Variants in RFFL observed in about 807,000 individuals in gnomAD.
RFFL encodes the protein ring finger and FYVE like domain containing E3 ubiquitin protein ligase.
Under a neutral mutation model 40.4 loss-of-function variants are expected in RFFL, and 16 were observed. The ratio of observed to expected loss-of-function variants is 0.40; its 90% confidence interval spans 0.27 to 0.60. The LOEUF is 0.60. Ranked by LOEUF, RFFL falls within the 20% of genes least tolerant of loss-of-function variation. The pLI is 0.47. For missense variants in RFFL, 367 were observed against 451.7 expected, an observed-to-expected ratio of 0.81 and a Z score of 1.70; for synonymous variants, 154 against 167.9, an observed-to-expected ratio of 0.92 and a Z score of 0.64.
intron 1 of RFFL, among the ~76,000 whole-genome samples, chr17:35,033,186 T>G (rs1404095959): frequency 1.3e-5 from 2 of 151,754 alleles, no homozygotes; most frequent in Non-Finnish European, 2.9e-5. Context: ...GTAGAGGAAG[T>G]GAAGCTGACA....
At chr17:35,078,165 T>C (rs759645805) in intron 1 of RFFL, among the ~76,000 whole-genome samples, 1 of 152,194 alleles carries the variant, frequency 6.6e-6, no homozygotes, top group Non-Finnish European at 1.5e-5. Flanking sequence ...CTTTATTTTT[T>C]ACAAGCACCT....
chr17:35,035,919 T>C (rs569356123), intron 1 of RFFL, among the ~76,000 whole-genome samples: 22 of 152,086 alleles, frequency 1.4e-4, no homozygotes, highest in African/African-American at 5.1e-4. Context: ...GCCAGACTGG[T>C]CTTGAACTCC....
At chr17:35,080,992 A>G (rs2091400955) in intron 1 of RFFL, among the ~76,000 whole-genome samples, 1 of 152,236 alleles carries the variant, frequency 6.6e-6, no homozygotes, top group South Asian at 2.1e-4. Context: ...GCTCAACAAA[A>G]TCATACACTG....
intron 1 of RFFL, among the ~76,000 whole-genome samples, chr17:35,074,923 T>C (rs1460940736): frequency 6.6e-6 from 1 of 152,232 alleles, no homozygotes; most frequent in African/African-American, 2.4e-5. Flanking sequence ...AAATAAATCC[T>C]GCTGAACATG....
intron 1 of RFFL, among the ~76,000 whole-genome samples, chr17:35,028,290 G>A (rs113718377): frequency 2.6e-5 from 4 of 151,902 alleles, no homozygotes; most frequent in East Asian, 1.9e-4. Context: ...AGCCGAGATC[G>A]TGCCACTGCA....
chr17:35,051,501 C>T (rs2091231536), intron 1 of RFFL, among the ~76,000 whole-genome samples: 1 of 152,176 alleles, frequency 6.6e-6, no homozygotes, highest in Non-Finnish European at 1.5e-5. Context: ...CAATAAAGTA[C>T]ATTATTATAT....
intron 1 of RFFL, among the ~76,000 whole-genome samples, chr17:35,078,771 G>A (rs1304999943): frequency 6.6e-6 from 1 of 152,094 alleles, no homozygotes. Flanking sequence ...CTTTAGGTCA[G>A]GAGTTCGACA....
chr17:35,028,958 C>T (rs2091063022), intron 1 of RFFL, among the ~76,000 whole-genome samples: 1 of 152,020 alleles, frequency 6.6e-6, no homozygotes, highest in Non-Finnish European at 1.5e-5. Flanking sequence ...CCCACGACAA[C>T]AGGGATTGTG....
At chr17:35,059,027 T>C (rs1244093207) in intron 1 of RFFL, among the ~76,000 whole-genome samples, 1 of 149,164 alleles carries the variant, frequency 6.7e-6, no homozygotes, top group Non-Finnish European at 1.5e-5. Flanking sequence ...ATTTTTTTTT[T>C]TTTTTTTTTT....
intron 1 of RFFL, chr17:35,069,280 C>A (rs1424175792): frequency 2.2e-6 from 1 of 456,690 alleles, no homozygotes; most frequent in Non-Finnish European, 4.4e-6. Context: ...AATAATGCCC[C>A]AAGATTAACT....
At chr17:35,043,446 C>T (rs946087641) in intron 1 of RFFL, among the ~76,000 whole-genome samples, 4 of 152,174 alleles carry the variant, frequency 2.6e-5, no homozygotes, top group African/African-American at 9.7e-5. Context: ...AAGGCATGGG[C>T]TCATGAGGAT....
intron 6 of RFFL, among the ~76,000 whole-genome samples, chr17:35,014,173 G>A (rs1044666603): frequency 6.6e-6 from 1 of 152,134 alleles, no homozygotes; most frequent in Admixed American, 6.5e-5. Context: ...GAGTACCTGA[G>A]GGCCCAGTGG....
intron 1 of RFFL, among the ~76,000 whole-genome samples, chr17:35,041,997 AGAGC>A (rs2091169374): frequency 6.6e-6 from 1 of 152,182 alleles, no homozygotes; most frequent in South Asian, 2.1e-4. Context: ...CCTGGGCCAC[AGAGC>A]GAGACTCCAT....
chr17:35,049,424 T>A (rs1018432679), intron 1 of RFFL, among the ~76,000 whole-genome samples: 1 of 152,318 alleles, frequency 6.6e-6, no homozygotes, highest in East Asian at 1.9e-4. Flanking sequence ...GATCCTGAGA[T>A]GACTCGAGCA....
intron 1 of RFFL, among the ~76,000 whole-genome samples, chr17:35,079,321 C>A (rs556804670): frequency 6.6e-6 from 1 of 152,234 alleles, no homozygotes; most frequent in East Asian, 1.9e-4. Flanking sequence ...ACCGCCCAAC[C>A]TGTTTGTGTT....
intron 1 of RFFL, among the ~76,000 whole-genome samples, chr17:35,042,640 A>G (rs2091173663): frequency 6.6e-6 from 1 of 152,088 alleles, no homozygotes; most frequent in Non-Finnish European, 1.5e-5. Context: ...CCCAGCCAAC[A>G]TGGTGAAACC....
chr17:35,076,314 A>G (rs2091376198), intron 1 of RFFL, among the ~76,000 whole-genome samples: 1 of 152,000 alleles, frequency 6.6e-6, no homozygotes, highest in African/African-American at 2.4e-5. Flanking sequence ...TCTTAAATAT[A>G]TTAAAGGTTG....
chr17:35,045,172 G>A (rs1382653214), intron 1 of RFFL, among the ~76,000 whole-genome samples: 2 of 152,112 alleles, frequency 1.3e-5, no homozygotes, highest in Non-Finnish European at 2.9e-5. Flanking sequence ...ATTACATTCT[G>A]GGGGAAAGAG....
chr17:35,056,375 C>CTTTTT (rs71147455), intron 1 of RFFL, among the ~76,000 whole-genome samples: 2 of 120,720 alleles, frequency 1.7e-5, no homozygotes, highest in African/African-American at 3.4e-5. Flanking sequence ...TTTACTTCTA[C>CTTTTT]TTTTTTTTTT....
Sources: allele counts gnomAD v4.1 joint callset (sites outside exome capture counted in the v4.1 genomes callset), GRCh38; gene constraint gnomAD v4.1.1; transcripts MANE v1.5; gene names NCBI Gene and HGNC (gene_info 2026-07-23, HGNC 2026-07-21).